XPNPEP3: variants seen among roughly 807,000 people sequenced by gnomAD.
XPNPEP3 encodes the protein X-prolyl aminopeptidase 3, also known as xaa-Pro aminopeptidase 3.
A neutral mutation model predicts 60.0 loss-of-function variants in XPNPEP3; 41 were observed. That is an observed-to-expected ratio of 0.68 (90% CI 0.53 to 0.89). XPNPEP3 has a LOEUF of 0.89. Among genes scored for constraint, XPNPEP3 ranks in the 40% least tolerant of loss-of-function variants. The pLI is 0.00. For synonymous variants in XPNPEP3, 212 were observed against 223.2 expected (o/e 0.95, Z 0.45); for missense variants, 598 against 638.9 (o/e 0.94, Z 0.69).
intron 3 of XPNPEP3, among the ~76,000 whole-genome samples, chr22:40,885,022 C>A (rs1343489028): frequency 8.1e-5 from 12 of 149,068 alleles, no homozygotes; most frequent in African/African-American, 3.0e-4. Context: ...AGCAAGACTA[C>A]GTCTCAAAAA....
At chr22:40,859,311 A>G (rs1398938785) in intron 1 of XPNPEP3, among the ~76,000 whole-genome samples, 1 of 152,134 alleles carries the variant, frequency 6.6e-6, no homozygotes, top group Non-Finnish European at 1.5e-5. Context: ...TTTCCTTTAG[A>G]TGGTGGGAAA....
chr22:40,868,455 A>G (rs1023777695), intron 1 of XPNPEP3, among the ~76,000 whole-genome samples: 119 of 144,560 alleles, frequency 8.2e-4, no homozygotes, highest in Admixed American at 2.4e-3. Context: ...GTGTGTGTGT[A>G]TGTGTATAAA....
intron 2 of XPNPEP3, among the ~76,000 whole-genome samples, chr22:40,879,577 C>A (rs1400988276): frequency 1.3e-5 from 2 of 152,066 alleles, no homozygotes; most frequent in Non-Finnish European, 2.9e-5. Flanking sequence ...CATGGTGGCT[C>A]ATGCCTGTAA....
intron 5 of XPNPEP3, among the ~76,000 whole-genome samples, chr22:40,908,148 A>C (rs928472638): frequency 6.6e-6 from 1 of 151,966 alleles, no homozygotes; most frequent in Admixed American, 6.6e-5. Flanking sequence ...TGGGAGGCAC[A>C]GTTTGCAGTG....
intron 4 of XPNPEP3, among the ~76,000 whole-genome samples, chr22:40,895,658 T>C (rs1284541708): frequency 6.6e-6 from 1 of 152,012 alleles, no homozygotes. Flanking sequence ...ATTAAAAAAT[T>C]TATAACTTTT....
At chr22:40,915,050 C>CTTTTTTT (rs34697318) in intron 7 of XPNPEP3, among the ~76,000 whole-genome samples, 2 of 117,862 alleles carry the variant, frequency 1.7e-5, no homozygotes, top group Non-Finnish European at 1.7e-5. Context: ...CAAGTCCATT[C>CTTTTTTT]TTTTTTTTTT....
chr22:40,893,367 A>G (rs1414445883), intron 4 of XPNPEP3, among the ~76,000 whole-genome samples: 1 of 150,086 alleles, frequency 6.7e-6, no homozygotes, highest in African/African-American at 2.4e-5. Context: ...TTAGCCGGGC[A>G]TGGTGGCACA....
chr22:40,867,105 A>G (rs1461330566), intron 1 of XPNPEP3, among the ~76,000 whole-genome samples: 1 of 152,198 alleles, frequency 6.6e-6, no homozygotes, highest in African/African-American at 2.4e-5. Flanking sequence ...AAGATTAGGA[A>G]GGTAAGATAG....
intron 4 of XPNPEP3, among the ~76,000 whole-genome samples, chr22:40,898,224 C>CTTTTTTTTTTTT (rs1405343173): frequency 1.1e-4 from 8 of 70,252 alleles, no homozygotes; most frequent in African/African-American, 1.8e-4. Flanking sequence ...GTCTTTGACC[C>CTTTTTTTTTTTT]ATTTTTTTTT....
chr22:40,922,655 G>GC, intron 8 of XPNPEP3, 142 bp downstream of exon 8: 1 of 1,092,496 alleles, frequency 9.2e-7, no homozygotes, highest in Non-Finnish European at 1.3e-6. Flanking sequence ...GGAGGCTGAG[G>GC]CAGGAGGATT....
Position 40,909,136 on chromosome 22 carries a change from C to T in XPNPEP3, c.870C>T (p.Cys290=), listed in dbSNP as rs759934472. The part of the protein sequence containing the change: ...AFLYAKFEFE[C]RARGADILAY... ...GTTTTTCACAGTTTGAATTTGAATG[C>T]CGGGCTCGTGGCGCAGACATTTTAG... is the stretch of plus-strand genomic sequence containing the variant. Residue 290 remains cysteine (C), a synonymous_variant, in exon 6 of 10, where the codon TGC becomes TGT. Coordinates refer to ENST00000357137, the MANE Select transcript of XPNPEP3 (RefSeq NM_022098.4). 6.2e-7 allele frequency: 1 copy of T among 1,614,150 alleles called. No individual in the cohort carries two copies. Among genetic ancestry groups the T allele is most frequent in the Admixed American group, 1.7e-5 (1 of 60,004 alleles).
chr22:40,865,743 C>T (rs560823663), intron 1 of XPNPEP3, among the ~76,000 whole-genome samples: 1 of 152,148 alleles, frequency 6.6e-6, no homozygotes, highest in Admixed American at 6.5e-5. Context: ...GTTGGCCAGG[C>T]TGGTCCCGAA....
chr22:40,901,822 A>G (rs1373853343), intron 4 of XPNPEP3, among the ~76,000 whole-genome samples: 2 of 152,176 alleles, frequency 1.3e-5, no homozygotes, highest in Non-Finnish European at 2.9e-5. Flanking sequence ...GACAAAAAGC[A>G]GATTAGAGGA....
At chr22:40,891,179 CAAAAAAAAAAA>C (rs989825018) in intron 4 of XPNPEP3, among the ~76,000 whole-genome samples, 10 of 43,956 alleles carry the variant, frequency 2.3e-4, no homozygotes, top group African/African-American at 3.7e-4. Flanking sequence ...CCCATTTCTA[CAAAAAAAAAAA>C]AAAAAAAAAA....
rs373801186 is a variant in XPNPEP3 at position 40,861,631 on chromosome 22, G to C, written c.64+4386G>C. On this transcript the variant is annotated intron_variant, in intron 1 of 9. Transcript: ENST00000357137. ...CTGTTTCCATAGGAGCTTCCTGGAC[G>C]ATTTAACAGGTCCTCAAGCGAGTCT... 6.2e-6 allele frequency: 10 copies of C among 1,613,408 alleles called. No individual in the cohort carries two copies. The highest frequency in any genetic ancestry group is 8.5e-6 in the Non-Finnish European group (10 of 1,179,898).
intron 3 of XPNPEP3, among the ~76,000 whole-genome samples, chr22:40,882,787 G>A (rs1310633203): frequency 6.6e-6 from 1 of 152,054 alleles, no homozygotes; most frequent in African/African-American, 2.4e-5. Context: ...AGAGTTTTTG[G>A]TATAGTCATA....
chr22:40,924,173 A>T (rs946238846), intron 8 of XPNPEP3, among the ~76,000 whole-genome samples, 189 bp from the exon 9 acceptor site: 3 of 152,196 alleles, frequency 2.0e-5, no homozygotes, highest in African/African-American at 7.2e-5. Context: ...TGAGAATGCC[A>T]TTGGCAGAAT....
intron 7 of XPNPEP3, among the ~76,000 whole-genome samples, chr22:40,920,315 A>C (rs1302051147): frequency 3.3e-5 from 5 of 152,170 alleles, no homozygotes; most frequent in African/African-American, 1.2e-4. Context: ...GGTTGCAGTG[A>C]GCCGAGATCG....
rs375079343 is a variant in XPNPEP3, at chr22:40,929,550, C to G, written c.*3115C>G. 2 of 152,146 alleles carry G rather than the reference C, an allele frequency of 1.3e-5. No individual in the cohort carries two copies. The highest frequency in any genetic ancestry group is 2.1e-4 in the South Asian group (1 of 4,828). 9.4% of individuals were successfully genotyped at this position (152,146 alleles called of 1,614,324 possible). On this transcript the variant is annotated 3_prime_UTR_variant, in exon 10 of 10. Coordinates refer to ENST00000357137, the MANE Select transcript of XPNPEP3 (RefSeq NM_022098.4). ...AAGCCTAGGTAGCTTGTATGTATAG[C>G]AGCATACTTGGACATGAAACACACT...
Sources: allele counts gnomAD v4.1 joint callset (sites outside exome capture counted in the v4.1 genomes callset), GRCh38; gene constraint gnomAD v4.1.1; transcripts MANE v1.5; gene names NCBI Gene and HGNC (gene_info 2026-07-23, HGNC 2026-07-21).